KDM6A: variants seen among roughly 807,000 people sequenced by gnomAD.
KDM6A encodes lysine-specific demethylase 6A.
Under a neutral mutation model 117.6 loss-of-function variants are expected in KDM6A, and 11 were observed. That is an observed-to-expected ratio of 0.09 (90% CI 0.06 to 0.15). KDM6A has a LOEUF of 0.15. KDM6A is among the 10% of genes least tolerant of loss of function. The probability of loss-of-function intolerance (pLI) is 1.00; values close to 1 mark genes in which losing one functional copy is unlikely to be tolerated. For synonymous variants in KDM6A, 384 were observed against 396.1 expected (o/e 0.97, Z 0.36); for missense variants, 799 against 1,077.3 (o/e 0.74, Z 3.62).
At chrX:45,090,604 T>A (rs190756916) in intron 26 of KDM6A, 119 bp from the exon 27 acceptor site, 5 of 724,055 alleles carry the variant, frequency 6.9e-6, no homozygotes, top group African/African-American at 2.2e-5. Context: ...AAATTATTTT[T>A]ATAGTGTTTT....
At chrX:44,947,533 G>T (rs1391986465) in intron 2 of KDM6A, among the ~76,000 whole-genome samples, 1 of 108,988 alleles carries the variant, frequency 9.2e-6, no homozygotes, top group Non-Finnish European at 1.9e-5. Flanking sequence ...CCGCCACCAC[G>T]CCCGACTAAT....
intron 4 of KDM6A, among the ~76,000 whole-genome samples, chrX:44,988,065 C>T (rs2040343610): frequency 8.9e-6 from 1 of 112,068 alleles, no homozygotes; most frequent in Non-Finnish European, 1.9e-5. Context: ...TAGATTTGGT[C>T]TTTTCACGTA....
At chrX:45,087,099 T>C (rs1340126554) in intron 25 of KDM6A, among the ~76,000 whole-genome samples, 1 of 112,957 alleles carries the variant, frequency 8.9e-6, no homozygotes, top group Non-Finnish European at 1.9e-5. Context: ...CAAGCAATTC[T>C]CCTGCCTCAG....
At chrX:44,893,767 GA>G (rs2033584901) in intron 2 of KDM6A, among the ~76,000 whole-genome samples, 1 of 110,866 alleles carries the variant, frequency 9.0e-6, no homozygotes, top group South Asian at 3.8e-4. Flanking sequence ...TAAAGTTGTA[GA>G]TTTTTTTGTA....
intron 18 of KDM6A, 119 bp downstream of exon 18, chrX:45,070,476 T>A (rs1047159258): frequency 3.7e-5 from 24 of 644,632 alleles, no homozygotes; most frequent in Non-Finnish European, 5.9e-5. Flanking sequence ...GTCATTCATC[T>A]AAGAGTTTGA....
At chrX:44,904,016 A>T (rs191888391) in intron 2 of KDM6A, among the ~76,000 whole-genome samples, 4 of 111,877 alleles carry the variant, frequency 3.6e-5, no homozygotes, top group African/African-American at 1.3e-4. Context: ...TTTATGTCTC[A>T]CAATTTTTGG....
In KDM6A at chrX:44,923,254, C is replaced by T. The variant is rs142524268; in HGVS notation, c.226-38030C>T. On this transcript the variant is annotated intron_variant, in intron 2 of 29. Transcript: ENST00000611820. ...TTTGATGTTTATTGTGCTTGAGATCCGTTGAGCTCCTTGGGCATGTGGGTT... is the reference window on the plus strand; with the variant it reads ...TTTGATGTTTATTGTGCTTGAGATCTGTTGAGCTCCTTGGGCATGTGGGTT... 3.9e-4 allele frequency among the ~76,000 whole-genome samples: 43 copies of T among 110,856 alleles called. No homozygotes were observed. In the East Asian group the frequency reaches 7.9e-3, roughly 20 times the overall value.
intron 2 of KDM6A, among the ~76,000 whole-genome samples, chrX:44,877,088 C>A (rs781408327): frequency 9.0e-6 from 1 of 111,276 alleles, no homozygotes; most frequent in East Asian, 2.8e-4. Context: ...TATGCATATG[C>A]GTATGTATAC....
At chrX:45,014,657 A>G (rs1281859016) in intron 5 of KDM6A, among the ~76,000 whole-genome samples, 3 of 112,034 alleles carry the variant, frequency 2.7e-5, no homozygotes, top group Non-Finnish European at 3.8e-5. Context: ...AAGGAAACCT[A>G]TATCCTAGGG....
Position 45,101,673 on chromosome X carries a change from C to A in KDM6A, c.4035-5737C>A, listed in dbSNP as rs906441186. On this transcript the variant is annotated intron_variant, in intron 27 of 29. Transcript: ENST00000611820. Reference sequence around the variant, plus strand: ...CTTATCTAATCTAATGGAATCCAGACTAAACACCTTTTGAATAACTTTATT... The same window carrying A: ...CTTATCTAATCTAATGGAATCCAGAATAAACACCTTTTGAATAACTTTATT... Among the ~76,000 whole-genome samples the A allele has an allele frequency of 5.4e-5, 6 of 111,545 alleles. No individual in the cohort carries two copies. In the Admixed American group the frequency reaches 5.7e-4, roughly 11 times the overall value.
At chrX:45,079,983 T>C (rs914758160) in intron 21 of KDM6A, among the ~76,000 whole-genome samples, 3 of 112,043 alleles carry the variant, frequency 2.7e-5, no homozygotes, top group Non-Finnish European at 3.8e-5. Context: ...TTAACTTCGA[T>C]ACTATTGACA....
intron 2 of KDM6A, among the ~76,000 whole-genome samples, chrX:44,938,340 A>C (rs908313840): frequency 2.9e-4 from 33 of 111,883 alleles, no homozygotes; most frequent in Admixed American, 1.9e-4. Flanking sequence ...CTCACTGCTG[A>C]CATAGCAAAC....
chrX:44,985,009 G>A (rs1343136749), intron 4 of KDM6A, among the ~76,000 whole-genome samples: 1 of 109,779 alleles, frequency 9.1e-6, no homozygotes, highest in African/African-American at 3.3e-5. Flanking sequence ...GGGCAGTATG[G>A]CCATTTTCAC....
chrX:44,940,751 C>T (rs1234107826), intron 2 of KDM6A, among the ~76,000 whole-genome samples: 2 of 111,799 alleles, frequency 1.8e-5, no homozygotes, highest in African/African-American at 3.3e-5. Context: ...ACAACATGTA[C>T]TCGGCAAGGT....
chrX:45,066,367 C>G (rs2044534905), intron 17 of KDM6A, among the ~76,000 whole-genome samples: 1 of 111,718 alleles, frequency 9.0e-6, no homozygotes, highest in Non-Finnish European at 1.9e-5. Context: ...GAACAACAAC[C>G]GGGTGTAGCT....
Position 45,096,524 on chromosome X carries a change from G to A in KDM6A, c.4034+5660G>A, listed in dbSNP as rs2046114552. On this transcript the variant is annotated intron_variant, in intron 27 of 29. Coordinates refer to ENST00000611820, the MANE Select transcript of KDM6A (RefSeq NM_001291415.2). ...CCATGGTGGGGCAGCATAGAGGAAG[G>A]TTCTTCCGAAAGAGTGGAAGGTTCA... 2.7e-5 allele frequency among the ~76,000 whole-genome samples: 3 copies of A among 111,857 alleles called. 1 individual carries two copies. In the South Asian group the frequency reaches 1.1e-3, roughly 41 times the overall value.
chrX:45,012,244 A>T (rs1602570771), intron 5 of KDM6A, among the ~76,000 whole-genome samples: 1 of 79,842 alleles, frequency 1.3e-5, no homozygotes, highest in Non-Finnish European at 2.3e-5. Context: ...TCTGTCGCCC[A>T]GGCTGGAGAG....
chrX:45,046,032 T>C lies in KDM6A; in HGVS notation c.655-5677T>C, dbSNP rs112126988. Among the ~76,000 whole-genome samples the C allele has an allele frequency of 8.6e-3, 956 of 111,615 alleles. 11 individuals carry two copies. The highest frequency in any genetic ancestry group is 0.03 in the African/African-American group (918 of 30,688). ...AGAGTCAATATACAGACTGATATCA[T>C]GATGAATATTGGTGTAAAAATGCTA... On this transcript the variant is annotated intron_variant, in intron 8 of 29. Transcript: ENST00000611820.
intron 24 of KDM6A, among the ~76,000 whole-genome samples, chrX:45,085,606 C>T (rs2045610576): frequency 8.9e-6 from 1 of 111,750 alleles, no homozygotes; most frequent in African/African-American, 3.3e-5. Flanking sequence ...GGCTCCAGAG[C>T]CTAATCTCTT....
Sources: allele counts gnomAD v4.1 joint callset (sites outside exome capture counted in the v4.1 genomes callset), GRCh38; gene constraint gnomAD v4.1.1; transcripts MANE v1.5; gene names NCBI Gene and HGNC (gene_info 2026-07-23, HGNC 2026-07-21).